Variants in ABCA10 observed in about 807,000 individuals in gnomAD.
The protein encoded by ABCA10 is ATP-binding cassette sub-family A member 10.
ABCA10 carries 169 observed loss-of-function variants against 187.5 expected under a neutral mutation model. The ratio of observed to expected loss-of-function variants is 0.90; its 90% CI spans 0.80 to 1.02. The LOEUF (loss-of-function observed/expected upper bound fraction) is 1.02. Ranked by LOEUF, ABCA10 falls within the 50% of genes least tolerant of loss-of-function variation. The pLI is 0.00. For synonymous variants in ABCA10, 574 were observed against 601.8 expected, an observed-to-expected ratio of 0.95 and a Z score of 0.68; for missense variants, 1,727 against 1,812.4, an observed-to-expected ratio of 0.95 and a Z score of 0.86.
At chr17:69,197,177 C>G in intron 10 of ABCA10, 55 bp from the exon 11 acceptor site, 2 of 1,355,962 alleles carry the variant, frequency 1.5e-6, no homozygotes, top group Non-Finnish European at 2.1e-6. Context: ...ATTAATAACA[C>G]AGATTACAGT....
intron 9 of ABCA10, among the ~76,000 whole-genome samples, chr17:69,212,309 T>C (rs2074667224): frequency 1.3e-5 from 2 of 152,282 alleles, no homozygotes. Flanking sequence ...TTGGAGTTGA[T>C]TTTCAATTTT....
At chr17:69,207,091 A>G (rs1290130346) in intron 9 of ABCA10, among the ~76,000 whole-genome samples, 1 of 152,232 alleles carries the variant, frequency 6.6e-6, no homozygotes, top group Non-Finnish European at 1.5e-5. Context: ...ACCTAAATAA[A>G]CATTTCTGAA....
At chr17:69,166,380 T>C (rs1314971879) in intron 25 of ABCA10, among the ~76,000 whole-genome samples, 6 of 151,084 alleles carry the variant, frequency 4.0e-5, no homozygotes, top group South Asian at 2.1e-4. Context: ...GTACCATAGA[T>C]TGGGGTCTGC....
In ABCA10 at chr17:69,219,786, T is replaced by A. The variant is rs779344518; in HGVS notation, c.304-15A>T. The A allele has an allele frequency of 6.7e-7, 1 of 1,502,164 alleles. No individual in the cohort carries two copies. Among genetic ancestry groups the A allele is most frequent in the Admixed American group, 2.1e-5 (1 of 47,012 alleles). 93.1% of individuals were successfully genotyped at this position (1,502,164 alleles called of 1,614,324 possible). Reference sequence around the variant, plus strand: ...TTTGTTGTGACCTAAATTGGGACATTAGCAAATTTATTATGTGAACTATAG... The same window carrying A: ...TTTGTTGTGACCTAAATTGGGACATAAGCAAATTTATTATGTGAACTATAG... On this transcript the variant is annotated splice_polypyrimidine_tract_variant and intron_variant, in intron 5 of 38. Coordinates refer to ENST00000690296, the MANE Select transcript of ABCA10 (RefSeq NM_001377321.1).
intron 9 of ABCA10, among the ~76,000 whole-genome samples, chr17:69,210,847 C>CACATATATATATATAT (rs1169352704): frequency 1.6e-4 from 6 of 37,892 alleles, no homozygotes; most frequent in African/African-American, 3.5e-4. Flanking sequence ...ATTTATGCCA[C>CACATATATATATATAT]ATATATATAT....
intron 12 of ABCA10, 76 bp from the exon 13 acceptor site, chr17:69,194,065 AGATT>A: frequency 1.5e-6 from 2 of 1,378,674 alleles, no homozygotes; most frequent in Non-Finnish European, 2.0e-6. Flanking sequence ...GTTAGTATTT[AGATT>A]TTGTTCAAAA....
Position 69,189,952 on chromosome 17 carries a change from ACTT to A in ABCA10, c.2131+403_2131+405del, listed in dbSNP as rs1474576716. Among the ~76,000 whole-genome samples the A allele has an allele frequency of 1.2e-4, 18 of 151,860 alleles. 1 individual carries two copies. The South Asian group carries it at 2.7e-3, about 23-fold the overall frequency. ...TAAGGAAATAACATCTTATTTTATT[ACTT>A]CTTATTAATACATTAATTAGAATTA... On this transcript the variant is annotated intron_variant, in intron 18 of 38. Transcript: ENST00000690296.
In ABCA10 at chr17:69,214,845, G is replaced by T; in HGVS notation, c.865C>A (p.His289Asn). ...ACACCACTTAAGTAATTATCCAGGT[G>T]TGTAATCTGAGATTTAAAAGAAAAA... is the stretch of plus-strand genomic sequence containing the variant. The part of the protein sequence containing the change: ...AFTAGMAQIT[H>N]LDNYLSGVIF... The change falls in exon 9 of 39, where the codon CAC becomes AAC. Residue 289 changes from histidine to asparagine, a missense_variant. Transcript: ENST00000690296. 1 of 1,490,718 alleles carries T rather than the reference G, an allele frequency of 6.7e-7. No homozygotes were observed. Among genetic ancestry groups the T allele is most frequent in the Non-Finnish European group, 8.9e-7 (1 of 1,122,706 alleles). The allele number at this position is 1,490,718 out of a possible 1,614,324, so 92.3% of individuals were successfully genotyped here.
intron 11 of ABCA10, among the ~76,000 whole-genome samples, chr17:69,195,389 T>C (rs919830465): frequency 6.6e-6 from 1 of 151,664 alleles, no homozygotes; most frequent in Non-Finnish European, 1.5e-5. Flanking sequence ...AATGTATATA[T>C]ACAAAAAAGA....
intron 6 of ABCA10, among the ~76,000 whole-genome samples, chr17:69,216,919 T>G: frequency 6.6e-6 from 1 of 152,086 alleles, no homozygotes; most frequent in South Asian, 2.1e-4. Context: ...AATACCATAG[T>G]GCTATTAAGA....
At chr17:69,211,314 G>C (rs1232366099) in intron 9 of ABCA10, among the ~76,000 whole-genome samples, 2 of 30,362 alleles carry the variant, frequency 6.6e-5, no homozygotes, top group African/African-American at 2.7e-4. Context: ...TCATATATAT[G>C]ATATATATAT....
intron 27 of ABCA10, among the ~76,000 whole-genome samples, chr17:69,162,962 C>A (rs189909353): frequency 6.6e-6 from 1 of 151,722 alleles, no homozygotes; most frequent in African/African-American, 2.4e-5. Context: ...CTCAGCCTCC[C>A]GAGTAGCTGG....
At chr17:69,222,435 T>C (rs2074756377) in intron 4 of ABCA10, 98 bp downstream of exon 4, 25 of 1,028,684 alleles carry the variant, frequency 2.4e-5, no homozygotes, top group Non-Finnish European at 3.2e-5. Context: ...TGTATATTAA[T>C]TCTTTACTTG....
intron 9 of ABCA10, among the ~76,000 whole-genome samples, chr17:69,202,347 GA>G (rs2074552409): frequency 6.6e-6 from 1 of 152,082 alleles, no homozygotes; most frequent in Non-Finnish European, 1.5e-5. Context: ...AACAAATATT[GA>G]AAATAGTGAG....
At chr17:69,212,150 T>A (rs779279879) in intron 9 of ABCA10, among the ~76,000 whole-genome samples, 7 of 152,314 alleles carry the variant, frequency 4.6e-5, no homozygotes, top group Non-Finnish European at 8.8e-5. Flanking sequence ...GCTTTTTCTG[T>A]ATCGCAGGGG....
chr17:69,193,758 T>C, intron 13 of ABCA10, 56 bp downstream of exon 13: 4 of 1,580,676 alleles, frequency 2.5e-6, no homozygotes, highest in Non-Finnish European at 3.4e-6. Flanking sequence ...ACAAAAAAAA[T>C]ATATAGTCAA....
chr17:69,168,129 C>T (rs970131248), intron 25 of ABCA10, among the ~76,000 whole-genome samples: 1 of 152,038 alleles, frequency 6.6e-6, no homozygotes, highest in Non-Finnish European at 1.5e-5. Flanking sequence ...TTTTCTCTAG[C>T]TTACTTTATT....
intron 1 of ABCA10, chr17:69,234,558 G>A (rs1310737762): frequency 1.3e-5 from 2 of 152,222 alleles, no homozygotes; most frequent in Non-Finnish European, 2.9e-5. Context: ...CAACCTCTAG[G>A]TCTTGGGATC....
Position 69,182,802 on chromosome 17 carries a change from T to C in ABCA10, c.2504A>G (p.Asn835Ser). ...SLLIVNNTGS[N>S]IEDLVHSLKC... is the part of the protein sequence containing the mutation. Reference sequence around the variant, plus strand: ...CAGTGAATGCACGAGGTCTTCAATATTTGATCCTAACATAGTGGAAGGAAG... The same window carrying C: ...CAGTGAATGCACGAGGTCTTCAATACTTGATCCTAACATAGTGGAAGGAAG... The change falls in exon 21 of 39, where the codon AAT becomes AGT. Residue 835 changes from asparagine (N) to serine (S), a missense_variant. Asn to Ser is a conservative substitution (Grantham distance 46, BLOSUM62 1). Transcript: ENST00000690296. The C allele has an allele frequency of 1.9e-6, 3 of 1,599,266 alleles. No individual in the cohort carries two copies. Among genetic ancestry groups the C allele is most frequent in the Non-Finnish European group, 1.7e-6 (2 of 1,174,588 alleles).
Sources: allele counts gnomAD v4.1 joint callset (sites outside exome capture counted in the v4.1 genomes callset), GRCh38; gene constraint gnomAD v4.1.1; transcripts MANE v1.5; gene names NCBI Gene and HGNC (gene_info 2026-07-23, HGNC 2026-07-21).